The following ING5 variants were observed in gnomAD, a reference collection of about 807,000 sequenced individuals.
ING5 encodes inhibitor of growth protein 5.
A neutral mutation model predicts 37.4 loss-of-function variants in ING5; 17 were observed. The ratio of observed to expected loss-of-function variants is 0.45; its 90% confidence interval spans 0.31 to 0.68. The LOEUF is 0.68. ING5 is among the 30% of genes least tolerant of loss of function. ING5 has a pLI of 0.05. For missense variants in ING5, 233 were observed against 311.9 expected, an observed-to-expected ratio of 0.75 and a Z score of 1.91; for synonymous variants, 123 against 116.6, an observed-to-expected ratio of 1.06 and a Z score of -0.36.
At position 241,692,434 on chromosome 2, in the gene ING5, A is replaced by T. The variant is rs966546321; in HGVS notation, c.43+1781A>T. Among the ~76,000 whole-genome samples the T allele has an allele frequency of 5.3e-5, 8 of 151,366 alleles. No homozygotes were observed. In the South Asian group the frequency reaches 1.7e-3, roughly 32 times the overall value. On this transcript the variant is annotated intron_variant, in intron 2 of 7. Coordinates refer to the ING5 transcript ENST00000636051. ...AGTGATCCTCCTGCCTCAGCATCTGAAGTATCTGGAACTACAGGCACACAC... is the reference window on the plus strand; with the variant it reads ...AGTGATCCTCCTGCCTCAGCATCTGTAGTATCTGGAACTACAGGCACACAC...
chr2:241,719,549 G>A, intron 5 of ING5: 1 of 1,536,110 alleles, frequency 6.5e-7, no homozygotes, highest in Non-Finnish European at 8.7e-7. Flanking sequence ...TCCCGACCGT[G>A]CCTTTTCTGC....
intron 2 of ING5, among the ~76,000 whole-genome samples, chr2:241,706,508 A>G (rs140622048): frequency 0.098 from 14,908 of 151,814 alleles, 705 homozygotes; most frequent in South Asian, 0.13. Context: ...GCACGCCTAT[A>G]ATCCCAGCTA....
At chr2:241,722,878 G>A in intron 5 of ING5, 61 bp from the exon 6 acceptor site, 11 of 1,602,836 alleles carry the variant, frequency 6.9e-6, no homozygotes, top group Non-Finnish European at 9.3e-6. Flanking sequence ...GGCCCGTGGT[G>A]TCCGTGCCGC....
At chr2:241,688,104 C>G (rs1361753296) in intron 1 of ING5, 3 of 152,224 alleles carry the variant, frequency 2.0e-5, no homozygotes, top group African/African-American at 4.8e-5. Context: ...ATACTACTAT[C>G]TATATGTGCC....
intron 7 of ING5, 121 bp downstream of exon 7, chr2:241,723,392 C>T (rs1277827214): frequency 1.9e-5 from 20 of 1,064,968 alleles, no homozygotes; most frequent in African/African-American, 3.1e-5. Flanking sequence ...ACGGTAGCCA[C>T]GTAGGCATGC....
chr2:241,709,143 T>A (rs1343831371), intron 2 of ING5, 73 bp from the exon 3 acceptor site: 1 of 1,489,982 alleles, frequency 6.7e-7, no homozygotes, highest in Non-Finnish European at 9.1e-7. Flanking sequence ...TGGCTGACTT[T>A]AGTTGTTGCC....
chr2:241,704,607 G>T (rs778751021), intron 1 of ING5, 46 bp from the exon 2 acceptor site: 12 of 1,487,664 alleles, frequency 8.1e-6, no homozygotes, highest in South Asian at 5.8e-5. Flanking sequence ...GTGAATTTTT[G>T]TCTTGCTGCT....
chr2:241,722,120 A>G, intron 5 of ING5: 4 of 985,418 alleles, frequency 4.1e-6, no homozygotes, highest in Non-Finnish European at 4.8e-6. Flanking sequence ...GCCCGGGCGC[A>G]GGACGCATGG....
At chr2:241,704,198 A>G (rs1294770478) in intron 1 of ING5, among the ~76,000 whole-genome samples, 8 of 152,182 alleles carry the variant, frequency 5.3e-5, no homozygotes, top group Admixed American at 5.2e-4. Flanking sequence ...ACCTGCATCT[A>G]AAAATGAGAT....
chr2:241,711,008 C>A (rs147851030), intron 3 of ING5, among the ~76,000 whole-genome samples: 5,616 of 152,214 alleles, frequency 0.037, 451 homozygotes, highest in East Asian at 0.3. Flanking sequence ...CTCGACCTCC[C>A]AAAGTGCTGG....
intron 5 of ING5, among the ~76,000 whole-genome samples, chr2:241,718,085 T>G (rs1435094206): frequency 6.6e-6 from 1 of 152,162 alleles, no homozygotes; most frequent in Non-Finnish European, 1.5e-5. Flanking sequence ...CAATCTCCGC[T>G]CACCGCAGCC....
intron 5 of ING5, among the ~76,000 whole-genome samples, chr2:241,715,472 A>ATT (rs34545938): frequency 0.047 from 3,359 of 70,894 alleles, 152 homozygotes; most frequent in African/African-American, 0.11. Context: ...CTGGAATAGA[A>ATT]TTTTTTTTTT....
intron 5 of ING5, 90 bp from the exon 6 acceptor site, chr2:241,722,849 C>G (rs533396913): frequency 5.1e-5 from 81 of 1,573,606 alleles, no homozygotes; most frequent in Non-Finnish European, 6.5e-5. Flanking sequence ...GTGAGGGGGC[C>G]TTAAGTCAGA....
At chr2:241,712,327 C>T (rs1022219217) in intron 5 of ING5, 7 of 397,314 alleles carry the variant, frequency 1.8e-5, no homozygotes, top group Non-Finnish European at 3.2e-5. Context: ...TGGGCTGCAC[C>T]TGGAGTCTGA....
intron 4 of ING5, 62 bp from the exon 5 acceptor site, chr2:241,711,916 A>C (rs75067052): frequency 0.11 from 152,890 of 1,438,898 alleles, 8,431 homozygotes; most frequent in South Asian, 0.14. Flanking sequence ...AAAACAAAAC[A>C]CAAAACTTGC....
At chr2:241,689,240 G>A (rs774460135) in intron 1 of ING5, among the ~76,000 whole-genome samples, 5 of 151,914 alleles carry the variant, frequency 3.3e-5, no homozygotes, top group Non-Finnish European at 7.4e-5. Flanking sequence ...AACCTCCCAA[G>A]TAGCTGAGAT....
chr2:241,707,913 T>C (rs978088045), intron 2 of ING5, among the ~76,000 whole-genome samples: 2 of 152,166 alleles, frequency 1.3e-5, no homozygotes, highest in Non-Finnish European at 2.9e-5. Context: ...TCTTTTTTTT[T>C]TCTGAGACGG....
intron 1 of ING5, chr2:241,689,688 G>A (rs1490110764): frequency 1.3e-5 from 2 of 152,154 alleles, no homozygotes; most frequent in African/African-American, 4.8e-5. Flanking sequence ...CTGAGACTTC[G>A]GGATCCTTTG....
upstream of ING5, among the ~76,000 whole-genome samples, chr2:241,699,227 G>T (rs758551297): frequency 1.5e-5 from 2 of 134,322 alleles, no homozygotes; most frequent in Non-Finnish European, 3.2e-5. Context: ...GTTTCTCCAT[G>T]TTGGTCAGGC....
Sources: allele counts gnomAD v4.1 joint callset (sites outside exome capture counted in the v4.1 genomes callset), GRCh38; gene constraint gnomAD v4.1.1; transcripts MANE v1.5; gene names NCBI Gene and HGNC (gene_info 2026-07-23, HGNC 2026-07-21).